The following HIVEP2 variants were observed in gnomAD, a reference collection of about 807,000 sequenced individuals.
The protein encoded by HIVEP2 is HIVEP zinc finger 2, also known as transcription factor HIVEP2.
HIVEP2 carries 14 observed loss-of-function variants against 180.7 expected under a neutral mutation model. The ratio of observed to expected loss-of-function variants is 0.08; its 90% confidence interval spans 0.05 to 0.12. The LOEUF (loss-of-function observed/expected upper bound fraction) is 0.12, where lower values mean the gene tolerates loss of function less well. Among genes scored for constraint, HIVEP2 ranks in the 10% least tolerant of loss-of-function variants. HIVEP2 has a pLI of 1.00. For synonymous variants in HIVEP2, 1,184 were observed against 1,136.4 expected, an observed-to-expected ratio of 1.04 and a Z score of -0.84; for missense variants, 2,579 against 3,008.5, an observed-to-expected ratio of 0.86 and a Z score of 3.34.
At chr6:142,891,176 T>C (rs1010894102) in intron 1 of HIVEP2, among the ~76,000 whole-genome samples, 4 of 152,174 alleles carry the variant, frequency 2.6e-5, no homozygotes, top group African/African-American at 7.2e-5. Context: ...AGGATTTTAG[T>C]ATTTCCACTT....
chr6:142,889,322 G>A (rs974260616), intron 1 of HIVEP2, among the ~76,000 whole-genome samples: 1 of 152,118 alleles, frequency 6.6e-6, no homozygotes, highest in South Asian at 2.1e-4. Context: ...TATTAGCTGG[G>A]TGTGGTGGCA....
At chr6:142,890,369 C>T (rs558518196) in intron 1 of HIVEP2, among the ~76,000 whole-genome samples, 84 of 152,346 alleles carry the variant, frequency 5.5e-4, no homozygotes, top group African/African-American at 1.9e-3. Flanking sequence ...GCGTGTACTT[C>T]TTCACATATT....
intron 1 of HIVEP2, among the ~76,000 whole-genome samples, chr6:142,849,017 G>C (rs181367782): frequency 1.3e-5 from 2 of 152,176 alleles, no homozygotes; most frequent in Non-Finnish European, 2.9e-5. Context: ...TTTTCTACCT[G>C]GTGAAATCTA....
intron 2 of HIVEP2, among the ~76,000 whole-genome samples, chr6:142,810,579 T>C (rs1455812872): frequency 6.6e-6 from 1 of 151,890 alleles, no homozygotes; most frequent in Non-Finnish European, 1.5e-5. Context: ...ATAGCCAAGA[T>C]GGTGAAACCC....
chr6:142,783,326 CAAAA>C (rs567202980), intron 3 of HIVEP2, among the ~76,000 whole-genome samples, 191 bp downstream of exon 3: 3 of 71,070 alleles, frequency 4.2e-5, no homozygotes, highest in African/African-American at 1.7e-4. Context: ...GACTCCGTCA[CAAAA>C]AAAAAAAAAA....
chr6:142,863,512 T>C (rs189644265), intron 1 of HIVEP2, among the ~76,000 whole-genome samples: 262 of 152,276 alleles, frequency 1.7e-3, no homozygotes, highest in Non-Finnish European at 2.9e-3. Context: ...AAGGCATATC[T>C]GATAAAATAT....
In HIVEP2 at chr6:142,869,284, C is replaced by T. The variant is rs1041437820; in HGVS notation, c.-640-32237G>A. Among the ~76,000 whole-genome samples the T allele has an allele frequency of 3.3e-5, 5 of 152,266 alleles. No individual in the cohort carries two copies. In the South Asian group the frequency reaches 6.2e-4, roughly 19 times the overall value. ...AGTATGTCATGCTTTCTTCTAGCTACCTACCTCTTCCCTGAAAAATGAAGT... is the reference window on the plus strand; with the variant it reads ...AGTATGTCATGCTTTCTTCTAGCTATCTACCTCTTCCCTGAAAAATGAAGT... On this transcript the variant is annotated intron_variant, in intron 1 of 9. Transcript: ENST00000367603.
Position 142,892,905 on chromosome 6 carries a change from T to C in HIVEP2, c.-641+52194A>G, listed in dbSNP as rs568273953. On this transcript the variant is annotated intron_variant, in intron 1 of 9. Transcript: ENST00000367603. The stretch of plus-strand genomic sequence containing the variant: ...CTCGCTACAACTCTCAGAAGTATAA[T>C]CATTCCATCGTACCAAAAAGGAAAG... 4.6e-5 allele frequency among the ~76,000 whole-genome samples: 7 copies of C among 152,276 alleles called. No homozygotes were observed. In the South Asian group the frequency reaches 1.0e-3, roughly 23 times the overall value.
intron 2 of HIVEP2, among the ~76,000 whole-genome samples, chr6:142,818,753 GAAA>G: frequency 9.4e-6 from 1 of 106,734 alleles, no homozygotes; most frequent in African/African-American, 3.7e-5. Flanking sequence ...AAGAAAGAAA[GAAA>G]GAAAGAAAGA....
At chr6:142,846,889 A>G (rs938630663) in intron 1 of HIVEP2, among the ~76,000 whole-genome samples, 1 of 152,254 alleles carries the variant, frequency 6.6e-6, no homozygotes, top group African/African-American at 2.4e-5. Flanking sequence ...CTTAAGGACC[A>G]GGATGAGGTG....
At chr6:142,779,998 G>C (rs964430924) in intron 3 of HIVEP2, among the ~76,000 whole-genome samples, 1 of 152,124 alleles carries the variant, frequency 6.6e-6, no homozygotes, top group African/African-American at 2.4e-5. Context: ...TTAGGAGAAG[G>C]AGGATAATCA....
intron 5 of HIVEP2, 144 bp downstream of exon 5, chr6:142,769,404 CTGAG>C (rs1775462202): frequency 3.0e-6 from 2 of 666,530 alleles, no homozygotes; most frequent in South Asian, 2.0e-5. Context: ...TCTTCCACTC[CTGAG>C]TAAGGCCAGA....
chr6:142,881,021 T>C (rs1337213868), intron 1 of HIVEP2, among the ~76,000 whole-genome samples: 1 of 152,206 alleles, frequency 6.6e-6, no homozygotes, highest in Non-Finnish European at 1.5e-5. Context: ...TCAAGTTTCT[T>C]GAGGAAATAA....
At position 142,772,184 on chromosome 6, in the gene HIVEP2, G is replaced by A. The variant is rs769951793; in HGVS notation, c.2555C>T (p.Pro852Leu). ...SEAPVSPEWAPPGDGAESGGK... is the reference protein window; with the variant it reads ...SEAPVSPEWALPGDGAESGGK... Reference sequence around the variant, plus strand: ...CCCACTTTCTGCACCATCCCCAGGTGGAGCCCACTCAGGACTCACTGGGGC... The same window carrying A: ...CCCACTTTCTGCACCATCCCCAGGTAGAGCCCACTCAGGACTCACTGGGGC... The change falls in exon 5 of 10, where the codon CCA becomes CTA. Residue 852 changes from proline (P) to leucine (L), a missense_variant. Around this residue, in one of 11 missense-constraint regions of HIVEP2, gnomAD observed 524 missense variants for 563.6 expected, o/e 0.93. Coordinates refer to ENST00000367603, the MANE Select transcript of HIVEP2 (RefSeq NM_006734.4). The surrounding 1 kb of genome is among the most constrained non-coding windows in gnomAD (Gnocchi z 4.9). The A allele has an allele frequency of 6.2e-7, 1 of 1,614,198 alleles. No homozygotes were observed.
intron 1 of HIVEP2, among the ~76,000 whole-genome samples, chr6:142,933,288 T>C (rs1012355462): frequency 1.5e-4 from 23 of 152,222 alleles, no homozygotes; most frequent in Admixed American, 1.5e-3. Flanking sequence ...TATACAACTG[T>C]GTGGCATACT....
intron 1 of HIVEP2, among the ~76,000 whole-genome samples, chr6:142,921,597 A>C (rs1405401775): frequency 1.3e-5 from 2 of 152,222 alleles, no homozygotes; most frequent in Admixed American, 1.3e-4. Flanking sequence ...AGTTTTTTTT[A>C]ATTATCATTA....
chr6:142,807,494 A>G (rs557443891), intron 2 of HIVEP2, among the ~76,000 whole-genome samples: 13 of 152,280 alleles, frequency 8.5e-5, no homozygotes, highest in African/African-American at 3.1e-4. Flanking sequence ...AAATCAATCT[A>G]ATTTTTTTCC....
chr6:142,845,964 C>T (rs1775505116), intron 1 of HIVEP2, among the ~76,000 whole-genome samples: 1 of 152,230 alleles, frequency 6.6e-6, no homozygotes, highest in African/African-American at 2.4e-5. Context: ...TGCCGCAGGA[C>T]GATCACTAGG....
Position 142,927,143 on chromosome 6 carries a change from C to A in HIVEP2, c.-641+17956G>T, listed in dbSNP as rs1011171778. Among the ~76,000 whole-genome samples the A allele has an allele frequency of 7.9e-5, 12 of 152,142 alleles. No homozygotes were observed. In the South Asian group the frequency reaches 2.5e-3, roughly 32 times the overall value. ...CGCGGGGAAGAGCTGCTCTTCCTCC[C>A]GGAGGAAACCGAGCTCGCAAGCCCA... is the stretch of plus-strand genomic sequence containing the variant. On this transcript the variant is annotated intron_variant, in intron 1 of 9. Coordinates refer to ENST00000367603, the MANE Select transcript of HIVEP2 (RefSeq NM_006734.4).
Sources: gnomAD v4.1 joint callset for allele counts (sites outside exome capture counted in the v4.1 genomes callset) on GRCh38, gnomAD v4.1.1 for gene constraint, gnomAD v4.1.1 regional missense constraint, Gnocchi (gnomAD v3.1) non-coding constraint, MANE v1.5 for transcripts, NCBI Gene and HGNC (gene_info 2026-07-23, HGNC 2026-07-21) for gene names.